Variants in GALNT13 observed in about 807,000 individuals in gnomAD.
GALNT13 encodes polypeptide N-acetylgalactosaminyltransferase 13, also known as UDP-GalNAc:polypeptide N-acetylgalactosaminyltransferase 13.
A neutral mutation model predicts 64.2 loss-of-function variants in GALNT13; 28 were observed. The observed-to-expected ratio is 0.44, with a 90% confidence interval of 0.32 to 0.60. GALNT13 has a LOEUF of 0.60. GALNT13 is among the 20% of genes least tolerant of loss of function. The pLI, the probability that GALNT13 is intolerant of heterozygous loss-of-function variation, is 0.05. For synonymous variants in GALNT13, 214 were observed against 224.6 expected (o/e 0.95, Z 0.42); for missense variants, 577 against 669.8 (o/e 0.86, Z 1.53).
chr2:153,769,480 G>C, the GALNT13 span, among the ~76,000 whole-genome samples: 1 of 151,572 alleles, frequency 6.6e-6, no homozygotes, highest in South Asian at 2.1e-4. Context: ...TTCCTTTACA[G>C]ATGATGCTTC....
At chr2:154,265,064 A>G (rs1300153981) in intron 8 of GALNT13, among the ~76,000 whole-genome samples, 2 of 151,672 alleles carry the variant, frequency 1.3e-5, no homozygotes, top group Non-Finnish European at 2.9e-5. Flanking sequence ...AATATGGGAA[A>G]AATAGAGAGA....
At chr2:153,908,190 C>T (rs1426692605) in intron 2 of GALNT13, among the ~76,000 whole-genome samples, 2 of 151,320 alleles carry the variant, frequency 1.3e-5, no homozygotes, top group Non-Finnish European at 3.0e-5. Context: ...GATTGTTTGC[C>T]ACATTTATGA....
At chr2:153,069,006 G>T in the GALNT13 span, among the ~76,000 whole-genome samples, 1 of 152,224 alleles carries the variant, frequency 6.6e-6, no homozygotes, top group African/African-American at 2.4e-5. Flanking sequence ...TGAAGGCAGT[G>T]CACTTTGGAA....
chr2:154,364,022 G>A (rs1054182688), intron 9 of GALNT13, among the ~76,000 whole-genome samples: 3 of 152,056 alleles, frequency 2.0e-5, no homozygotes, highest in African/African-American at 7.2e-5. Context: ...AAAATTGCAT[G>A]AGCTAAAAAT....
the GALNT13 span, among the ~76,000 whole-genome samples, chr2:153,194,503 G>C: frequency 1.3e-5 from 2 of 151,554 alleles, no homozygotes; most frequent in South Asian, 4.2e-4. Context: ...TTTTTGTATT[G>C]TTACCTGTTT....
chr2:154,066,625 C>T (rs1700478244), intron 3 of GALNT13, among the ~76,000 whole-genome samples: 1 of 151,462 alleles, frequency 6.6e-6, no homozygotes, highest in African/African-American at 2.4e-5. Context: ...AATGGTATAT[C>T]CAGCAAAAAA....
At chr2:153,796,161 A>G in the GALNT13 span, among the ~76,000 whole-genome samples, 1 of 152,204 alleles carries the variant, frequency 6.6e-6, no homozygotes, top group Non-Finnish European at 1.5e-5. Flanking sequence ...AGTATTTAAT[A>G]CAGGAAAAGA....
chr2:154,411,247 T>C (rs1174554187), intron 11 of GALNT13, among the ~76,000 whole-genome samples: 1 of 145,200 alleles, frequency 6.9e-6, no homozygotes, highest in East Asian at 2.0e-4. Flanking sequence ...TAATGTGCTC[T>C]ACAAGATCAA....
At chr2:154,360,052 C>T (rs536031050) in intron 9 of GALNT13, among the ~76,000 whole-genome samples, 1 of 152,042 alleles carries the variant, frequency 6.6e-6, no homozygotes, top group East Asian at 1.9e-4. Flanking sequence ...AGCAAATGTC[C>T]TGGAAAAATG....
At chr2:154,429,630 A>T (rs1420209705) in intron 11 of GALNT13, among the ~76,000 whole-genome samples, 4 of 152,232 alleles carry the variant, frequency 2.6e-5, no homozygotes, top group Admixed American at 1.3e-4. Context: ...TCCAGCTAAG[A>T]TCATTGATAA....
At chr2:153,832,925 C>T in the GALNT13 span, among the ~76,000 whole-genome samples, 8 of 152,132 alleles carry the variant, frequency 5.3e-5, no homozygotes, top group East Asian at 1.5e-3. Flanking sequence ...ACAGTAGTCC[C>T]CTTTTATCCT....
chr2:153,951,112 C>T (rs867899427), intron 3 of GALNT13, among the ~76,000 whole-genome samples: 6 of 152,002 alleles, frequency 3.9e-5, no homozygotes, highest in East Asian at 1.9e-4. Flanking sequence ...GTCATGTGTA[C>T]GGGAAATTGG....
chr2:154,155,002 G>A (rs987771487), intron 4 of GALNT13, among the ~76,000 whole-genome samples: 5 of 151,344 alleles, frequency 3.3e-5, no homozygotes, highest in African/African-American at 7.3e-5. Context: ...ACACATAAAT[G>A]CCACTTTTAA....
At chr2:153,874,299 A>C (rs1686207288) in intron 1 of GALNT13, among the ~76,000 whole-genome samples, 1 of 151,518 alleles carries the variant, frequency 6.6e-6, no homozygotes, top group Admixed American at 6.6e-5. Context: ...TTTAGCCCCT[A>C]TCCACCTTCA....
intron 12 of GALNT13, among the ~76,000 whole-genome samples, chr2:154,445,377 A>G (rs1433766422): frequency 6.6e-6 from 1 of 151,986 alleles, no homozygotes; most frequent in Non-Finnish European, 1.5e-5. Context: ...TTACAAACAT[A>G]ATTAACATCA....
At chr2:153,644,133 T>C in the GALNT13 span, among the ~76,000 whole-genome samples, 1 of 152,152 alleles carries the variant, frequency 6.6e-6, no homozygotes, top group South Asian at 2.1e-4. Context: ...GTAGGTGATA[T>C]GATTGCTTAA....
chr2:153,884,781 ATATATGTGTGTGTATATATATATATGTG>A (rs1387806286), intron 1 of GALNT13, among the ~76,000 whole-genome samples: 4 of 115,600 alleles, frequency 3.5e-5, no homozygotes, highest in Admixed American at 8.5e-5. Context: ...ATATATATAT[ATATATGTGTGTGTATATATATATATGTG>A]TGTGTGTGTG....
chr2:154,418,031 T>C (rs1359963041), intron 11 of GALNT13, among the ~76,000 whole-genome samples: 1 of 152,178 alleles, frequency 6.6e-6, no homozygotes, highest in African/African-American at 2.4e-5. Context: ...CATTATCCTA[T>C]CTGCAAAAAT....
chr2:154,011,992 A>G (rs1181209082), intron 3 of GALNT13, among the ~76,000 whole-genome samples: 2 of 152,132 alleles, frequency 1.3e-5, no homozygotes, highest in Non-Finnish European at 2.9e-5. Flanking sequence ...ACAGTACTGT[A>G]TAGTTGGGTG....
Sources: gnomAD v4.1 joint callset for allele counts (sites outside exome capture counted in the v4.1 genomes callset) on GRCh38, gnomAD v4.1.1 for gene constraint, MANE v1.5 for transcripts, NCBI Gene and HGNC (gene_info 2026-07-23, HGNC 2026-07-21) for gene names.